TRIP11: variants seen among roughly 807,000 people sequenced by gnomAD.
TRIP11 encodes the protein thyroid hormone receptor interactor 11, also known as thyroid receptor-interacting protein 11.
Under a neutral mutation model 223.1 loss-of-function variants are expected in TRIP11, and 148 were observed. The observed-to-expected ratio is 0.66, with a 90% confidence interval of 0.58 to 0.76. The LOEUF (loss-of-function observed/expected upper bound fraction) is 0.76, where lower values mean the gene tolerates loss of function less well. Ranked by LOEUF, TRIP11 falls within the 30% of genes least tolerant of loss-of-function variation. The pLI, the probability that TRIP11 is intolerant of heterozygous loss-of-function variation, is 0.00. For synonymous variants in TRIP11, 762 were observed against 772.6 expected (o/e 0.99, Z 0.23); for missense variants, 2,043 against 2,222.0 (o/e 0.92, Z 1.62).
At chr14:92,007,944 AT>A (rs2056926193) in intron 9 of TRIP11, 92 bp from the exon 10 acceptor site, 1 of 936,974 alleles carries the variant, frequency 1.1e-6, no homozygotes. Context: ...TTGGGATTCT[AT>A]TTAAGTGCTC....
At chr14:92,013,148 T>TC (rs2056993709) in intron 7 of TRIP11, among the ~76,000 whole-genome samples, 2 of 152,130 alleles carry the variant, frequency 1.3e-5, no homozygotes, top group Non-Finnish European at 2.9e-5. Context: ...ATGCTTGTAG[T>TC]CCCAGCTACT....
intron 20 of TRIP11, among the ~76,000 whole-genome samples, chr14:91,971,770 A>T (rs1327363065): frequency 6.6e-6 from 1 of 152,230 alleles, no homozygotes; most frequent in East Asian, 1.9e-4. Flanking sequence ...TTTAGCAGGC[A>T]AAACTACTTA....
intron 15 of TRIP11, among the ~76,000 whole-genome samples, chr14:91,992,079 CAAA>C (rs3031548): frequency 0.015 from 890 of 59,774 alleles, 3 homozygotes; most frequent in South Asian, 0.056. Context: ...AACGCCGTCT[CAAA>C]AAAAAAAAAA....
chr14:91,969,688 G>A lies in TRIP11; in HGVS notation c.5925C>T (p.Asp1975=). The change falls in exon 21 of 21, where the codon GAC becomes GAT. Residue 1975 remains aspartate (D), a synonymous_variant. Transcript: ENST00000267622. The stretch of plus-strand genomic sequence containing the variant: ...TGAGAATCATCTATTGCTTTAAAAG[G>A]TCTTTCAGCACAACCCCAGCACTGT... ...PDNSAGVVLK[D]LLKQ The A allele has an allele frequency of 1.2e-6, 2 of 1,612,440 alleles. No individual in the cohort carries two copies. The highest frequency in any genetic ancestry group is 1.7e-6 in the Non-Finnish European group (2 of 1,180,012).
chr14:92,010,283 C>T (rs1034693063), intron 9 of TRIP11, among the ~76,000 whole-genome samples: 3 of 152,174 alleles, frequency 2.0e-5, no homozygotes, highest in Non-Finnish European at 2.9e-5. Context: ...ATAATCTCAA[C>T]ACTTTGGGAG....
rs996687076 is a variant in TRIP11, at chr14:91,969,128, A to C, written c.*545T>G. ...ATCTACACACATGATAATATTGCAC[A>C]GGACCAAATACATACTTCACCTCAG... On this transcript the variant is annotated 3_prime_UTR_variant, in exon 21 of 21. Coordinates refer to ENST00000267622, the MANE Select transcript of TRIP11 (RefSeq NM_004239.4). 2 of 236,762 alleles carry C rather than the reference A, an allele frequency of 8.4e-6. No individual in the cohort carries two copies. Among genetic ancestry groups the C allele is most frequent in the African/African-American group, 4.4e-5 (2 of 45,090 alleles). The allele number at this position is 236,762 out of a possible 1,614,324, so 14.7% of individuals were successfully genotyped here.
At chr14:92,015,669 T>G (rs562619237) in intron 6 of TRIP11, 27 bp downstream of exon 6, 1 of 1,550,038 alleles carries the variant, frequency 6.5e-7, no homozygotes, top group East Asian at 2.4e-5. Context: ...AAAAAAATAA[T>G]AATAATAAAG....
intron 9 of TRIP11, among the ~76,000 whole-genome samples, chr14:92,009,937 C>A (rs984481813): frequency 6.6e-6 from 1 of 152,178 alleles, no homozygotes; most frequent in Non-Finnish European, 1.5e-5. Context: ...AGATACTCTA[C>A]TTGTACTATC....
At position 91,966,397 on chromosome 14, in the gene TRIP11, A is replaced by C. The variant is rs1439116776; in HGVS notation, c.*3276T>G. Reference sequence around the variant, plus strand: ...ATTTTTGTGGATGGAAGATGTCTTGAATACTTCAATATGTGGAAAACTTCA... The same window carrying C: ...ATTTTTGTGGATGGAAGATGTCTTGCATACTTCAATATGTGGAAAACTTCA... On this transcript the variant is annotated 3_prime_UTR_variant, in exon 21 of 21. Transcript: ENST00000267622. 1.1e-5 allele frequency: 2 copies of C among 186,364 alleles called. No individual in the cohort carries two copies. Among genetic ancestry groups the C allele is most frequent in the African/African-American group, 4.7e-5 (2 of 42,736 alleles). 11.5% of individuals were successfully genotyped at this position (186,364 alleles called of 1,614,324 possible). A position where few individuals can be genotyped will look rare whatever the true frequency, so the allele number is the denominator to read the frequency against.
chr14:91,979,689 G>A lies in TRIP11; in HGVS notation c.5261-3500C>T, dbSNP rs988366751. On this transcript the variant is annotated intron_variant, in intron 16 of 20. Coordinates refer to ENST00000267622, the MANE Select transcript of TRIP11 (RefSeq NM_004239.4). Reference sequence around the variant, plus strand: ...GGGAAAAACTCAGAATTTAAGGGACGGTGCTAGAAGGATGGTATTAACTAT... The same window carrying A: ...GGGAAAAACTCAGAATTTAAGGGACAGTGCTAGAAGGATGGTATTAACTAT... Among the ~76,000 whole-genome samples, 12 of 152,138 alleles carry A rather than the reference G, an allele frequency of 7.9e-5. No individual in the cohort carries two copies. The South Asian group carries it at 2.3e-3, about 29-fold the overall frequency.
chr14:91,977,352 C>T (rs2056478699), intron 16 of TRIP11: 3 of 365,138 alleles, frequency 8.2e-6, no homozygotes, highest in South Asian at 6.3e-5. Context: ...CCTAACCCAA[C>T]ACCTGTTTTA....
At chr14:91,999,809 T>C (rs1478271246) in intron 12 of TRIP11, among the ~76,000 whole-genome samples, 159 bp downstream of exon 12, 1 of 152,292 alleles carries the variant, frequency 6.6e-6, no homozygotes, top group East Asian at 1.9e-4. Flanking sequence ...TGAAATAAAA[T>C]GCACCATGGG....
intron 16 of TRIP11, among the ~76,000 whole-genome samples, chr14:91,982,704 G>A (rs995735301): frequency 1.3e-5 from 2 of 152,164 alleles, no homozygotes; most frequent in African/African-American, 4.8e-5. Flanking sequence ...GCAACACTGG[G>A]CCCACATTCC....
Position 91,968,721 on chromosome 14 carries a change from T to A in TRIP11, c.*952A>T, listed in dbSNP as rs1133441. The A allele has an allele frequency of 0.3, 69,220 of 227,620 alleles. 10,950 individuals carry two copies. The highest frequency in any genetic ancestry group is 0.39 in the East Asian group (6,040 of 15,676). The allele number at this position is 227,620 out of a possible 1,614,324, so 14.1% of individuals were successfully genotyped here. On this transcript the variant is annotated 3_prime_UTR_variant, in exon 21 of 21. Transcript: ENST00000267622. The stretch of plus-strand genomic sequence containing the variant: ...TGATACATCCAAAGCCTTGGATGGA[T>A]CTCAAGGGAATTATGCTGAGTGAAA...
chr14:91,983,347 T>C (rs188725320), intron 16 of TRIP11, among the ~76,000 whole-genome samples: 55 of 152,328 alleles, frequency 3.6e-4, no homozygotes, highest in African/African-American at 1.3e-3. Flanking sequence ...AATGATTGAT[T>C]TTCTCTGGGA....
chr14:92,018,751 G>T (rs112589038), intron 4 of TRIP11, among the ~76,000 whole-genome samples: 4 of 151,982 alleles, frequency 2.6e-5, no homozygotes, highest in African/African-American at 9.6e-5. Context: ...AAGGGCAAGA[G>T]ATCAAGACCA....
At chr14:92,007,317 C>T (rs533731263) in intron 10 of TRIP11, among the ~76,000 whole-genome samples, 2 of 152,198 alleles carry the variant, frequency 1.3e-5, no homozygotes, top group African/African-American at 4.8e-5. Context: ...AGCCACTGCG[C>T]CCGGCATGTT....
intron 10 of TRIP11, 21 bp downstream of exon 10, chr14:92,007,619 C>T: frequency 1.2e-6 from 2 of 1,609,796 alleles, no homozygotes; most frequent in Non-Finnish European, 1.7e-6. Context: ...TGCTGCCTTA[C>T]TGTATTTAAT....
intron 2 of TRIP11, among the ~76,000 whole-genome samples, chr14:92,029,225 G>A (rs1365698855): frequency 6.7e-6 from 1 of 150,226 alleles, no homozygotes; most frequent in East Asian, 2.0e-4. Flanking sequence ...AATCACCTAG[G>A]AGAATGATGC....
Sources: allele counts gnomAD v4.1 joint callset (sites outside exome capture counted in the v4.1 genomes callset), GRCh38; gene constraint gnomAD v4.1.1; transcripts MANE v1.5; gene names NCBI Gene and HGNC (gene_info 2026-07-23, HGNC 2026-07-21).